FAM20C: variants seen among roughly 807,000 people sequenced by gnomAD.
FAM20C encodes extracellular serine/threonine protein kinase FAM20C.
Under a neutral mutation model 51.5 loss-of-function variants are expected in FAM20C, and 40 were observed. The observed-to-expected ratio is 0.78, with a 90% CI of 0.60 to 1.01. FAM20C has a LOEUF of 1.01. Ranked by LOEUF, FAM20C falls within the 50% of genes least tolerant of loss-of-function variation. The probability of loss-of-function intolerance (pLI) is 0.00; values close to 1 mark genes in which losing one functional copy is unlikely to be tolerated. For missense variants in FAM20C, 861 were observed against 844.7 expected, an observed-to-expected ratio of 1.02 and a Z score of -0.24; for synonymous variants, 406 against 380.6, an observed-to-expected ratio of 1.07 and a Z score of -0.78.
In FAM20C at chr7:208,964, T is replaced by G; in HGVS notation, c.851T>G (p.Phe284Cys). The stretch of plus-strand genomic sequence containing the variant: ...TTCCAGAATTACGGGCAAGCGCTGT[T>G]CAAACCCATGAAGTAAGTGCCGAGG... ...MTFQNYGQAL[F>C]KPMKQTREQE... Residue 284 changes from phenylalanine to cysteine, a missense_variant, in exon 3 of 10, where the codon TTC becomes TGC. By Grantham distance (205) the Phe-to-Cys change is radical. Coordinates refer to ENST00000313766, the MANE Select transcript of FAM20C (RefSeq NM_020223.4). The G allele has an allele frequency of 1.3e-6, 2 of 1,583,952 alleles. No homozygotes were observed. The highest frequency in any genetic ancestry group is 2.3e-5 in the South Asian group (2 of 86,326).
chr7:258,570 GGCCCAGCTCCCA>G, intron 8 of FAM20C, 64 bp from the exon 9 acceptor site: 1 of 1,454,340 alleles, frequency 6.9e-7, no homozygotes, highest in East Asian at 2.5e-5. Flanking sequence ...GTGGACCCAT[GGCCCAGCTCCCA>G]GCCCAGCAGC....
At chr7:234,805 C>A (rs972217353) in intron 3 of FAM20C, among the ~76,000 whole-genome samples, 15 of 152,156 alleles carry the variant, frequency 9.9e-5, no homozygotes, top group Non-Finnish European at 2.2e-4. Context: ...CCAGGCCCTC[C>A]CTCTGTGGGC....
At chr7:208,134 C>T (rs1286677479) in intron 2 of FAM20C, among the ~76,000 whole-genome samples, 2 of 151,946 alleles carry the variant, frequency 1.3e-5, no homozygotes, top group African/African-American at 2.4e-5. Context: ...TAGGCAGGGG[C>T]AGGGGGGTGC....
At chr7:223,291 G>T (rs1220904999) in intron 3 of FAM20C, among the ~76,000 whole-genome samples, 2 of 152,188 alleles carry the variant, frequency 1.3e-5, no homozygotes, top group South Asian at 2.1e-4. Flanking sequence ...CAGATCGTCC[G>T]CTGGGCTGCA....
In FAM20C at chr7:253,867, C is replaced by T. The variant is rs146577662; in HGVS notation, c.1073-1982C>T. ...AGGACGGGAGGCTGTTAACAGCAGA[C>T]GAATTTTAAGCCTCCAGCCAATGAG... On this transcript the variant is annotated intron_variant, in intron 5 of 9. Transcript: ENST00000313766. 6.5e-3 allele frequency among the ~76,000 whole-genome samples: 992 copies of T among 152,330 alleles called. 11 individuals carry two copies. Among genetic ancestry groups the T allele is most frequent in the African/African-American group, 0.022 (920 of 41,568 alleles).
intron 3 of FAM20C, among the ~76,000 whole-genome samples, chr7:216,720 T>C (rs1404964115): frequency 1.3e-5 from 2 of 151,436 alleles, no homozygotes; most frequent in Non-Finnish European, 2.9e-5. Flanking sequence ...TGTGTGTGTG[T>C]GTGTGTCCGT....
At chr7:223,619 T>C (rs1234780807) in intron 3 of FAM20C, among the ~76,000 whole-genome samples, 1 of 152,166 alleles carries the variant, frequency 6.6e-6, no homozygotes, top group Non-Finnish European at 1.5e-5. Context: ...TCCCGGCTGC[T>C]GCACCGAGCC....
intron 3 of FAM20C, among the ~76,000 whole-genome samples, chr7:226,304 C>A (rs1247826087): frequency 6.7e-6 from 1 of 150,062 alleles, no homozygotes; most frequent in Non-Finnish European, 1.5e-5. Context: ...CTGGAGAAGA[C>A]CGGCTAGGAG....
chr7:234,370 G>A (rs1160531051), intron 3 of FAM20C, among the ~76,000 whole-genome samples: 1 of 152,222 alleles, frequency 6.6e-6, no homozygotes, highest in Admixed American at 6.5e-5. Context: ...GACTGAGGCT[G>A]GGCGTGGCCG....
Position 260,486 on chromosome 7 carries a change from G to A in FAM20C, c.*506G>A, listed in dbSNP as rs1788835320. 6.6e-6 allele frequency: 1 copy of A among 152,540 alleles called. No homozygotes were observed. The highest frequency in any genetic ancestry group is 1.9e-4 in the East Asian group (1 of 5,176). The allele number at this position is 152,540 out of a possible 1,614,324, so 9.4% of individuals were successfully genotyped here. A position where few individuals can be genotyped will look rare whatever the true frequency, so the allele number is the denominator to read the frequency against. ...CCTGGAGGGCTGGAGGGTCTCGTCT[G>A]AGGACGGGAGGAGGCTCTCGCTGGA... On this transcript the variant is annotated 3_prime_UTR_variant, in exon 10 of 10. Transcript: ENST00000313766.
At chr7:229,436 G>T (rs1245110653) in intron 3 of FAM20C, 2 of 160,882 alleles carry the variant, frequency 1.2e-5, no homozygotes, top group Admixed American at 1.1e-4. Flanking sequence ...GGCTGCAGCT[G>T]GTCCAGGTCC....
At chr7:241,916 C>T (rs1040076626) in intron 3 of FAM20C, among the ~76,000 whole-genome samples, 8 of 151,892 alleles carry the variant, frequency 5.3e-5, no homozygotes, top group Admixed American at 1.3e-4. Context: ...CATGTGCACA[C>T]GTGTTAATGT....
chr7:242,051 C>T (rs1178849914), intron 3 of FAM20C, among the ~76,000 whole-genome samples: 1 of 152,224 alleles, frequency 6.6e-6, no homozygotes, highest in Non-Finnish European at 1.5e-5. Context: ...CTCCCTGGGC[C>T]TCAGTGTCCC....
chr7:213,715 G>A (rs149418639), intron 3 of FAM20C, among the ~76,000 whole-genome samples: 30 of 152,292 alleles, frequency 2.0e-4, no homozygotes, highest in Middle Eastern at 3.4e-3. Context: ...TGATAACTGC[G>A]TTTAACTGTT....
Position 193,233 on chromosome 7 carries a change from C to G in FAM20C, c.34C>G (p.Leu12Val), listed in dbSNP as rs1394178678. The change falls in exon 1 of 10, where the codon CTC (leucine) becomes GTC (valine). Residue 12 changes from leucine to valine, a missense_variant. Leu to Val is a conservative substitution (Grantham distance 32). This residue lies in a region of FAM20C where 561 missense variants were observed against 499.8 expected (regional missense o/e 1.12). Coordinates refer to ENST00000313766, the MANE Select transcript of FAM20C (RefSeq NM_020223.4). ...KMMLVRRFRV[L>V]ILMVFLVACA... Reference sequence around the variant, plus strand: ...GATGCTGGTGCGCCGGTTCCGCGTGCTCATCCTGATGGTGTTCCTGGTGGC... The same window carrying G: ...GATGCTGGTGCGCCGGTTCCGCGTGGTCATCCTGATGGTGTTCCTGGTGGC... 2 of 1,465,494 alleles carry G rather than the reference C, an allele frequency of 1.4e-6. No individual in the cohort carries two copies. Among genetic ancestry groups the G allele is most frequent in the Admixed American group, 4.2e-5 (2 of 47,636 alleles). The allele number at this position is 1,465,494 out of a possible 1,614,324, so 90.8% of individuals were successfully genotyped here.
At chr7:205,661 G>A (rs972794504) in intron 2 of FAM20C, among the ~76,000 whole-genome samples, 8 of 152,132 alleles carry the variant, frequency 5.3e-5, no homozygotes, top group Admixed American at 1.3e-4. Context: ...CTGTGGCTGC[G>A]CCGGGCTTGG....
intron 3 of FAM20C, among the ~76,000 whole-genome samples, chr7:212,504 G>A (rs1003430023): frequency 1.3e-5 from 2 of 152,186 alleles, no homozygotes; most frequent in African/African-American, 2.4e-5. Context: ...TGCTCTCTGC[G>A]CTCATCACGG....
chr7:210,458 G>A (rs1786658394), intron 3 of FAM20C, among the ~76,000 whole-genome samples: 1 of 152,060 alleles, frequency 6.6e-6, no homozygotes, highest in African/African-American at 2.4e-5. Flanking sequence ...AATGAGCCTG[G>A]GCAGCTTCCC....
chr7:222,740 G>A (rs370419833), intron 3 of FAM20C, among the ~76,000 whole-genome samples: 3 of 152,314 alleles, frequency 2.0e-5, no homozygotes, highest in African/African-American at 7.2e-5. Context: ...TTGGTGCTGG[G>A]GGTGGGCATG....
Sources: gnomAD v4.1 joint callset for allele counts (sites outside exome capture counted in the v4.1 genomes callset) on GRCh38, gnomAD v4.1.1 for gene constraint, gnomAD v4.1.1 regional missense constraint, MANE v1.5 for transcripts, NCBI Gene and HGNC (gene_info 2026-07-23, HGNC 2026-07-21) for gene names.